Variants in ITPR2 observed in about 807,000 individuals in gnomAD.
The protein encoded by ITPR2 is inositol 1,4,5-trisphosphate-gated calcium channel ITPR2.
A neutral mutation model predicts 317.1 loss-of-function variants in ITPR2; 207 were observed. That is an observed-to-expected ratio of 0.65 (90% CI 0.58 to 0.73). ITPR2 has a LOEUF of 0.73. Ranked by LOEUF, ITPR2 falls within the 30% of genes least tolerant of loss-of-function variation. The pLI, the probability that ITPR2 is intolerant of heterozygous loss-of-function variation, is 0.00. For missense variants in ITPR2, 2,613 were observed against 3,284.0 expected (o/e 0.80, Z 4.99); for synonymous variants, 1,156 against 1,149.1 (o/e 1.01, Z -0.12).
At position 26,790,617 on chromosome 12, in the gene ITPR2, A is replaced by ACT. The variant is rs571885551; in HGVS notation, c.93-392_93-391dup. Among the ~76,000 whole-genome samples, 5 of 150,870 alleles carry ACT rather than the reference A, an allele frequency of 3.3e-5. No individual in the cohort carries two copies. The East Asian group carries it at 7.9e-4, about 24-fold the overall frequency. On this transcript the variant is annotated intron_variant, in intron 1 of 56. Coordinates refer to ENST00000381340, the MANE Select transcript of ITPR2 (RefSeq NM_002223.4). ...CACACACACACACACACACACACAC[A>ACT]CTTCTACACATACATATATAAGGAA...
chr12:26,422,553 A>G (rs1173524121), intron 49 of ITPR2, among the ~76,000 whole-genome samples: 1 of 152,186 alleles, frequency 6.6e-6, no homozygotes, highest in Non-Finnish European at 1.5e-5. Flanking sequence ...GTTTTCTCAC[A>G]TATAAAATGA....
At chr12:26,757,219 C>CTTT (rs534956309) in intron 2 of ITPR2, among the ~76,000 whole-genome samples, 2 of 143,780 alleles carry the variant, frequency 1.4e-5, no homozygotes, top group Non-Finnish European at 1.5e-5. Context: ...CCTTTACTTT[C>CTTT]TTTTTTTTTT....
intron 2 of ITPR2, among the ~76,000 whole-genome samples, chr12:26,767,635 T>C (rs1480526922): frequency 6.6e-6 from 1 of 152,238 alleles, no homozygotes; most frequent in African/African-American, 2.4e-5. Context: ...TGTACATGCA[T>C]ATATATTTTA....
intron 26 of ITPR2, among the ~76,000 whole-genome samples, chr12:26,611,481 C>T (rs532706107): frequency 6.6e-6 from 1 of 152,140 alleles, no homozygotes; most frequent in East Asian, 1.9e-4. Context: ...AAGCATGAGA[C>T]TTTACATCAG....
intron 1 of ITPR2, among the ~76,000 whole-genome samples, chr12:26,802,088 C>T (rs1426944951): frequency 6.6e-6 from 1 of 151,992 alleles, no homozygotes; most frequent in African/African-American, 2.4e-5. Flanking sequence ...TCACTTGAGG[C>T]AAGGAGTTAA....
chr12:26,522,844 G>C (rs532739708), intron 37 of ITPR2, among the ~76,000 whole-genome samples: 5 of 150,640 alleles, frequency 3.3e-5, no homozygotes, highest in Admixed American at 6.6e-5. Context: ...TCCACGGCGG[G>C]GGGGGAACCC....
At chr12:26,434,635 C>T (rs1941305173) in intron 48 of ITPR2, among the ~76,000 whole-genome samples, 1 of 152,140 alleles carries the variant, frequency 6.6e-6, no homozygotes, top group African/African-American at 2.4e-5. Flanking sequence ...TGCTTCCAAT[C>T]CACGGAGAAG....
chr12:26,826,921 G>C lies in ITPR2; in HGVS notation c.92+5769C>G, dbSNP rs141726516. On this transcript the variant is annotated intron_variant, in intron 1 of 56. Coordinates refer to ENST00000381340, the MANE Select transcript of ITPR2 (RefSeq NM_002223.4). ...GTACCTGACCATTGGTCAAGTTGAC[G>C]TACACAGAAATGTGAATATCTGTTG... 1.0e-3 allele frequency among the ~76,000 whole-genome samples: 155 copies of C among 152,168 alleles called. 1 individual carries two copies. The East Asian group carries it at 0.016, about 16-fold the overall frequency.
chr12:26,575,975 A>T (rs1945266514), intron 34 of ITPR2, among the ~76,000 whole-genome samples: 1 of 152,130 alleles, frequency 6.6e-6, no homozygotes, highest in Non-Finnish European at 1.5e-5. Flanking sequence ...CTAAATATTG[A>T]GGGGTAGAGG....
intron 30 of ITPR2, among the ~76,000 whole-genome samples, chr12:26,597,514 A>C (rs1002577566): frequency 2.6e-5 from 4 of 152,350 alleles, no homozygotes; most frequent in Admixed American, 2.0e-4. Flanking sequence ...AAAGCAGAGT[A>C]AAATATCCTC....
intron 34 of ITPR2, among the ~76,000 whole-genome samples, chr12:26,571,134 A>T (rs1945149142): frequency 6.6e-6 from 1 of 152,260 alleles, no homozygotes; most frequent in Non-Finnish European, 1.5e-5. Flanking sequence ...AAATATCAGT[A>T]ATTTCTACAT....
chr12:26,636,877 T>G (rs550782939), intron 21 of ITPR2, among the ~76,000 whole-genome samples: 6 of 152,276 alleles, frequency 3.9e-5, no homozygotes, highest in African/African-American at 1.4e-4. Flanking sequence ...CAAGTACACA[T>G]CAACTGATCT....
intron 51 of ITPR2, among the ~76,000 whole-genome samples, chr12:26,413,627 T>C (rs1940623802): frequency 6.6e-6 from 1 of 152,200 alleles, no homozygotes; most frequent in Non-Finnish European, 1.5e-5. Flanking sequence ...ACACTCTTAA[T>C]ATATGAATAA....
chr12:26,392,003 T>C (rs1454190949), intron 54 of ITPR2, among the ~76,000 whole-genome samples: 1 of 152,102 alleles, frequency 6.6e-6, no homozygotes, highest in Non-Finnish European at 1.5e-5. Flanking sequence ...GAGGGGGAAA[T>C]GTAAAAGAGG....
At chr12:26,824,633 A>G (rs1950985147) in intron 1 of ITPR2, among the ~76,000 whole-genome samples, 1 of 152,242 alleles carries the variant, frequency 6.6e-6, no homozygotes, top group Non-Finnish European at 1.5e-5. Context: ...CTTAAAAACC[A>G]TTTTAGTTAA....
At chr12:26,544,875 A>G (rs1171650341) in intron 37 of ITPR2, among the ~76,000 whole-genome samples, 1 of 152,104 alleles carries the variant, frequency 6.6e-6, no homozygotes, top group Non-Finnish European at 1.5e-5. Flanking sequence ...ACTTAACGCA[A>G]TTCACTTTTC....
intron 2 of ITPR2, among the ~76,000 whole-genome samples, chr12:26,783,621 T>C (rs1359004009): frequency 1.3e-5 from 2 of 152,046 alleles, no homozygotes; most frequent in Non-Finnish European, 2.9e-5. Context: ...CAAAAGAATA[T>C]AAAATCAATT....
intron 32 of ITPR2, among the ~76,000 whole-genome samples, chr12:26,584,427 G>C (rs1424112903): frequency 6.6e-6 from 1 of 152,140 alleles, no homozygotes; most frequent in Non-Finnish European, 1.5e-5. Flanking sequence ...AAAATTATTT[G>C]TTGAACAAGC....
chr12:26,550,775 T>A (rs545614291), intron 36 of ITPR2, among the ~76,000 whole-genome samples: 4 of 152,274 alleles, frequency 2.6e-5, no homozygotes, highest in African/African-American at 9.6e-5. Flanking sequence ...AGTGGCTGTA[T>A]ACAACTCTGC....
Sources: allele counts gnomAD v4.1 joint callset (sites outside exome capture counted in the v4.1 genomes callset), GRCh38; gene constraint gnomAD v4.1.1; transcripts MANE v1.5; gene names NCBI Gene and HGNC (gene_info 2026-07-23, HGNC 2026-07-21).